Variants in LIPA observed in about 807,000 individuals in gnomAD.
The protein encoded by LIPA is lysosomal acid lipase/cholesteryl ester hydrolase.
In LIPA, 26 loss-of-function variants were observed where a neutral mutation model predicts 40.6. The ratio of observed to expected loss-of-function variants is 0.64; its 90% CI spans 0.47 to 0.89. LIPA has a LOEUF of 0.89. Among genes scored for constraint, LIPA ranks in the 40% least tolerant of loss-of-function variants. The pLI is 0.00. For missense variants in LIPA, 455 were observed against 479.6 expected, an observed-to-expected ratio of 0.95 and a Z score of 0.48; for synonymous variants, 188 against 168.4, an observed-to-expected ratio of 1.12 and a Z score of -0.90.
chr10:89,338,909 A>G, intron 1 of LIPA: 2 of 1,614,192 alleles, frequency 1.2e-6, no homozygotes, highest in South Asian at 2.2e-5. Flanking sequence ...CAGCAAGAAC[A>G]TGCTGACCAA....
intron 1 of LIPA, among the ~76,000 whole-genome samples, chr10:89,317,718 G>T (rs549428156): frequency 6.6e-6 from 1 of 152,092 alleles, no homozygotes; most frequent in South Asian, 2.1e-4. Context: ...TACGGAGAAC[G>T]CCACAAAGAT....
intron 2 of LIPA, among the ~76,000 whole-genome samples, chr10:89,386,390 C>A (rs1345472430): frequency 6.6e-6 from 1 of 152,090 alleles, no homozygotes; most frequent in Admixed American, 6.5e-5. Context: ...GGAGTAACAC[C>A]TTTTTCAACT....
upstream of LIPA, among the ~76,000 whole-genome samples, chr10:89,346,476 T>C (rs537190139): frequency 3.3e-5 from 5 of 152,314 alleles, no homozygotes; most frequent in South Asian, 1.0e-3. Context: ...TCAACTAGAG[T>C]TTGATGAATA....
intron 2 of LIPA, among the ~76,000 whole-genome samples, chr10:89,369,710 C>T (rs533716488): frequency 6.6e-6 from 1 of 152,298 alleles, no homozygotes; most frequent in East Asian, 1.9e-4. Flanking sequence ...CTGCCTTCAG[C>T]TGCTACTTCT....
intron 1 of LIPA, among the ~76,000 whole-genome samples, chr10:89,324,490 C>T (rs796996278): frequency 8.5e-5 from 13 of 152,258 alleles, no homozygotes; most frequent in African/African-American, 2.9e-4. Context: ...ACACCAAAAG[C>T]AACTACGACA....
chr10:89,227,400 C>G (rs1246892947), intron 4 of LIPA, among the ~76,000 whole-genome samples: 3 of 152,162 alleles, frequency 2.0e-5, no homozygotes, highest in Non-Finnish European at 4.4e-5. Flanking sequence ...TGGGTAGTTT[C>G]CTGTTTTCCG....
intron 2 of LIPA, chr10:89,378,027 A>T (rs1589626255): frequency 8.4e-7 from 1 of 1,197,122 alleles, no homozygotes; most frequent in East Asian, 2.4e-5. Context: ...CCTCCCATAT[A>T]TAAGCACCAT....
At position 89,403,313 on chromosome 10, in the gene LIPA, G is replaced by A. The variant is rs199627586; in HGVS notation, c.61+9478C>T. 5.5e-5 allele frequency: 89 copies of A among 1,613,782 alleles called. No homozygotes were observed. The African/African-American group carries it at 1.1e-3, about 19-fold the overall frequency. On this transcript the variant is annotated intron_variant, in intron 2 of 8. Transcript: ENST00000371837. ...CATTTGAGGTGGCTCATCTAGACCTGGCAAGAATGTATATAGAAGCAGGCA... is the reference window on the plus strand; with the variant it reads ...CATTTGAGGTGGCTCATCTAGACCTAGCAAGAATGTATATAGAAGCAGGCA...
At chr10:89,403,338 A>C (rs1844471806) in intron 2 of LIPA, 4 of 1,613,134 alleles carry the variant, frequency 2.5e-6, no homozygotes, top group Non-Finnish European at 3.4e-6. Context: ...AGAAGCAGGC[A>C]ATCACAGAAA....
chr10:89,376,303 C>A (rs1844121316), intron 2 of LIPA, among the ~76,000 whole-genome samples: 1 of 151,766 alleles, frequency 6.6e-6, no homozygotes, highest in Non-Finnish European at 1.5e-5. Flanking sequence ...TAAATCCTTC[C>A]TTGAATAGAC....
intron 2 of LIPA, among the ~76,000 whole-genome samples, chr10:89,373,334 C>CAAAAAAAAAAAAAAA (rs34479360): frequency 4.8e-5 from 3 of 63,152 alleles, no homozygotes; most frequent in African/African-American, 1.8e-4. Flanking sequence ...GACTCCCTCT[C>CAAAAAAAAAAAAAAA]AAAAAAAAAA....
Position 89,410,441 on chromosome 10 carries a change from C to T in LIPA, c.61+2350G>A, listed in dbSNP as rs548415054. On this transcript the variant is annotated intron_variant, in intron 2 of 8. Coordinates refer to the LIPA transcript ENST00000371837. ...CTGCCCGAGATGATCCCTTAGAAGT[C>T]CCCTTAGCTAATCCTGACCTTAACC... 3.2e-4 allele frequency among the ~76,000 whole-genome samples: 49 copies of T among 152,316 alleles called. 1 individual carries two copies. The highest frequency in any genetic ancestry group is 1.1e-3 in the African/African-American group (45 of 41,560).
upstream of LIPA, among the ~76,000 whole-genome samples, chr10:89,254,347 A>G (rs542649784): frequency 6.6e-6 from 1 of 152,300 alleles, no homozygotes; most frequent in East Asian, 1.9e-4. Flanking sequence ...CCACATGGAA[A>G]CTGCCAAGGC....
At chr10:89,359,971 ATAAC>A (rs775160127) in intron 2 of LIPA, among the ~76,000 whole-genome samples, 1 of 152,092 alleles carries the variant, frequency 6.6e-6, no homozygotes, top group Non-Finnish European at 1.5e-5. Flanking sequence ...CTATAGTTCT[ATAAC>A]TAGGAATGAT....
chr10:89,220,809 G>C (rs758967026), intron 8 of LIPA, among the ~76,000 whole-genome samples: 3 of 152,148 alleles, frequency 2.0e-5, no homozygotes, highest in Non-Finnish European at 2.9e-5. Flanking sequence ...AGGATGTCCC[G>C]AACAGGTCTG....
chr10:89,297,678 A>G (rs930733394), intron 1 of LIPA, among the ~76,000 whole-genome samples: 1 of 152,228 alleles, frequency 6.6e-6, no homozygotes, highest in African/African-American at 2.4e-5. Flanking sequence ...CCCTACCCTT[A>G]GCAGCACCAC....
chr10:89,224,774 T>G (rs1389646831), intron 6 of LIPA, among the ~76,000 whole-genome samples: 2 of 152,186 alleles, frequency 1.3e-5, no homozygotes, highest in African/African-American at 4.8e-5. Flanking sequence ...CAGGCTCACC[T>G]CATGGGATAA....
At chr10:89,382,154 T>C (rs1844168387) in intron 2 of LIPA, among the ~76,000 whole-genome samples, 1 of 152,226 alleles carries the variant, frequency 6.6e-6, no homozygotes, top group African/African-American at 2.4e-5. Flanking sequence ...TATTATATTA[T>C]ATTATGGTTA....
At chr10:89,279,311 C>T (rs762910740) in intron 1 of LIPA, among the ~76,000 whole-genome samples, 10 of 152,086 alleles carry the variant, frequency 6.6e-5, no homozygotes, top group Non-Finnish European at 1.3e-4. Context: ...TAATTTCCAA[C>T]CAGTTAAGCC....
Sources: allele counts gnomAD v4.1 joint callset (sites outside exome capture counted in the v4.1 genomes callset), GRCh38; gene constraint gnomAD v4.1.1; transcripts MANE v1.5; gene names NCBI Gene and HGNC (gene_info 2026-07-23, HGNC 2026-07-21).